Variants in ZFPM2 observed in about 807,000 individuals in gnomAD.
ZFPM2 encodes zinc finger protein, FOG family member 2.
A neutral mutation model predicts 98.6 loss-of-function variants in ZFPM2; 20 were observed. That is an observed-to-expected ratio of 0.20 (90% CI 0.14 to 0.29). The LOEUF (loss-of-function observed/expected upper bound fraction) is 0.29, where lower values mean the gene tolerates loss of function less well. Among genes scored for constraint, ZFPM2 ranks in the 10% least tolerant of loss-of-function variants. The pLI is 1.00. For synonymous variants in ZFPM2, 518 were observed against 502.7 expected (o/e 1.03, Z -0.41); for missense variants, 1,310 against 1,388.6 (o/e 0.94, Z 0.90).
chr8:105,638,910 T>A (rs1030774977), intron 5 of ZFPM2, among the ~76,000 whole-genome samples: 4 of 152,144 alleles, frequency 2.6e-5, no homozygotes, highest in Non-Finnish European at 4.4e-5. Flanking sequence ...CATTCGAATC[T>A]GATGTACATT....
chr8:105,790,935 G>T (rs1813590065), intron 6 of ZFPM2, among the ~76,000 whole-genome samples: 1 of 152,178 alleles, frequency 6.6e-6, no homozygotes, highest in Non-Finnish European at 1.5e-5. Flanking sequence ...TTTGTACATT[G>T]ATTTTGTGTC....
chr8:105,407,310 AC>A (rs1227437717), intron 1 of ZFPM2, among the ~76,000 whole-genome samples: 1 of 151,936 alleles, frequency 6.6e-6, no homozygotes, highest in African/African-American at 2.4e-5. Flanking sequence ...CACGCTATTT[AC>A]ACTATGCTGG....
chr8:105,597,343 C>A (rs553447030), intron 4 of ZFPM2, among the ~76,000 whole-genome samples: 1 of 152,116 alleles, frequency 6.6e-6, no homozygotes, highest in South Asian at 2.1e-4. Flanking sequence ...TGGACTATTT[C>A]TACTTATTTA....
chr8:105,354,712 A>G (rs1341131139), intron 1 of ZFPM2, among the ~76,000 whole-genome samples: 2 of 152,292 alleles, frequency 1.3e-5, no homozygotes, highest in East Asian at 1.9e-4. Flanking sequence ...TGAACATTGT[A>G]TGTAGTAGGA....
At chr8:105,608,975 G>T (rs1452762534) in intron 4 of ZFPM2, among the ~76,000 whole-genome samples, 4 of 151,812 alleles carry the variant, frequency 2.6e-5, no homozygotes. Context: ...ATAAAAACTA[G>T]AAGACTGAAC....
chr8:105,519,294 G>A (rs1346888758), intron 3 of ZFPM2, among the ~76,000 whole-genome samples: 1 of 152,124 alleles, frequency 6.6e-6, no homozygotes, highest in Admixed American at 6.5e-5. Flanking sequence ...AATTTTATAT[G>A]GTTTTGATAA....
chr8:105,787,520 G>C (rs1813454306), intron 5 of ZFPM2: 1 of 152,104 alleles, frequency 6.6e-6, no homozygotes, highest in African/African-American at 2.4e-5. Context: ...ATTCTTCTGT[G>C]CAACTCTGCC....
At chr8:105,492,174 T>A (rs988024603) in intron 3 of ZFPM2, among the ~76,000 whole-genome samples, 5 of 152,194 alleles carry the variant, frequency 3.3e-5, no homozygotes, top group African/African-American at 9.6e-5. Flanking sequence ...TGTTTTACTG[T>A]GCGTTTTTAA....
chr8:105,390,832 AATTGATCC>A (rs765024851), intron 1 of ZFPM2, among the ~76,000 whole-genome samples: 2 of 152,208 alleles, frequency 1.3e-5, no homozygotes, highest in African/African-American at 4.8e-5. Context: ...ATCATATTTA[AATTGATCC>A]TAGATTGGAA....
intron 5 of ZFPM2, among the ~76,000 whole-genome samples, chr8:105,653,854 C>CTTTTTTTTATTTTTTTTTT (rs1817230644): frequency 2.8e-5 from 1 of 35,260 alleles, no homozygotes; most frequent in Non-Finnish European, 4.9e-5. Context: ...TGTGTGCTAT[C>CTTTTTTTTATTTTTTTTTT]TTTTTTTTTT....
chr8:105,449,526 A>G (rs1389634868), intron 3 of ZFPM2, among the ~76,000 whole-genome samples: 4 of 152,102 alleles, frequency 2.6e-5, no homozygotes, highest in Admixed American at 6.6e-5. Flanking sequence ...GAATAAAATT[A>G]GTAATCATTT....
intron 4 of ZFPM2, among the ~76,000 whole-genome samples, chr8:105,596,423 C>T (rs1376896566): frequency 6.6e-6 from 1 of 151,974 alleles, no homozygotes; most frequent in Non-Finnish European, 1.5e-5. Flanking sequence ...CATATTTCTC[C>T]ACCACCATCC....
chr8:105,439,287 T>G (rs1812190357), intron 2 of ZFPM2, among the ~76,000 whole-genome samples: 1 of 152,162 alleles, frequency 6.6e-6, no homozygotes, highest in Admixed American at 6.5e-5. Context: ...CTCATGGTTG[T>G]TTGTTAATGG....
intron 3 of ZFPM2, among the ~76,000 whole-genome samples, chr8:105,551,320 G>A (rs1214324400): frequency 6.6e-6 from 1 of 152,086 alleles, no homozygotes; most frequent in Non-Finnish European, 1.5e-5. Flanking sequence ...AAGTGTGCTG[G>A]CAGTAGTATT....
intron 2 of ZFPM2, among the ~76,000 whole-genome samples, chr8:105,421,181 G>A (rs1459656457): frequency 6.6e-6 from 1 of 151,812 alleles, no homozygotes; most frequent in Non-Finnish European, 1.5e-5. Flanking sequence ...CAGACTTTTA[G>A]GAATTAAGAA....
intron 3 of ZFPM2, among the ~76,000 whole-genome samples, chr8:105,509,748 G>A (rs1813777561): frequency 6.6e-6 from 1 of 151,802 alleles, no homozygotes; most frequent in African/African-American, 2.4e-5. Context: ...TTTTAACCTA[G>A]GAGTCATTTA....
intron 5 of ZFPM2, among the ~76,000 whole-genome samples, chr8:105,672,020 C>T (rs1817607797): frequency 1.3e-5 from 2 of 152,052 alleles, no homozygotes; most frequent in Non-Finnish European, 2.9e-5. Flanking sequence ...TTTTACTTTT[C>T]AGTAGAATGA....
intron 1 of ZFPM2, among the ~76,000 whole-genome samples, chr8:105,386,045 T>A (rs1338751906): frequency 6.6e-6 from 1 of 152,222 alleles, no homozygotes; most frequent in East Asian, 1.9e-4. Flanking sequence ...TTATTGTGAA[T>A]ATTAAATAAA....
At chr8:105,525,413 GCCAGT>G (rs1814154152) in intron 3 of ZFPM2, among the ~76,000 whole-genome samples, 1 of 152,142 alleles carries the variant, frequency 6.6e-6, no homozygotes, top group African/African-American at 2.4e-5. Flanking sequence ...GCTATTCCGT[GCCAGT>G]CACCTGATGA....
Sources: gnomAD v4.1 joint callset for allele counts (sites outside exome capture counted in the v4.1 genomes callset) on GRCh38, gnomAD v4.1.1 for gene constraint, MANE v1.5 for transcripts, NCBI Gene and HGNC (gene_info 2026-07-23, HGNC 2026-07-21) for gene names.